MARCHF1: variants seen among roughly 807,000 people sequenced by gnomAD.
MARCHF1 encodes the protein membrane associated ring-CH-type finger 1.
Under a neutral mutation model 54.2 loss-of-function variants are expected in MARCHF1, and 40 were observed. The observed-to-expected ratio is 0.74, with a 90% CI of 0.57 to 0.96. The LOEUF is 0.96. MARCHF1 is among the 40% of genes least tolerant of loss of function. MARCHF1 has a pLI of 0.00. For synonymous variants in MARCHF1, 236 were observed against 236.3 expected (o/e 1.00, Z 0.01); for missense variants, 586 against 656.5 (o/e 0.89, Z 1.17).
chr4:163,865,004 A>G (rs1158795217), intron 3 of MARCHF1, among the ~76,000 whole-genome samples: 3 of 151,930 alleles, frequency 2.0e-5, no homozygotes, highest in Non-Finnish European at 4.4e-5. Flanking sequence ...TTCATTTTTC[A>G]AAAGTACTCA....
chr4:163,955,092 A>C (rs1413370438), intron 3 of MARCHF1, among the ~76,000 whole-genome samples: 1 of 151,754 alleles, frequency 6.6e-6, no homozygotes, highest in South Asian at 2.1e-4. Context: ...TGGACAATGG[A>C]GGTGGAATGT....
Position 164,150,713 on chromosome 4 carries a change from C to T in MARCHF1, c.-322-39051G>A, listed in dbSNP as rs561330121. ...GACATGAAAATAGAATAGTTCATTTCTTGAAATACATTTATTTATTAAAAC... is the reference window on the plus strand; with the variant it reads ...GACATGAAAATAGAATAGTTCATTTTTTGAAATACATTTATTTATTAAAAC... On this transcript the variant is annotated intron_variant, in intron 1 of 9. Transcript: ENST00000514618. 1.2e-4 allele frequency among the ~76,000 whole-genome samples: 19 copies of T among 152,248 alleles called. No individual in the cohort carries two copies. The South Asian group carries it at 3.9e-3, about 32-fold the overall frequency.
At chr4:164,077,121 T>C (rs1364688663) in intron 2 of MARCHF1, among the ~76,000 whole-genome samples, 3 of 152,118 alleles carry the variant, frequency 2.0e-5, no homozygotes, top group Non-Finnish European at 4.4e-5. Context: ...GCTACTTGAC[T>C]TCAAACTATA....
chr4:164,173,289 A>G (rs1730577453), intron 1 of MARCHF1, among the ~76,000 whole-genome samples: 1 of 148,654 alleles, frequency 6.7e-6, no homozygotes, highest in African/African-American at 2.5e-5. Flanking sequence ...ACAATTGGTT[A>G]TAATTTGGGC....
chr4:163,782,098 G>A (rs535896925), intron 4 of MARCHF1, among the ~76,000 whole-genome samples: 2 of 141,738 alleles, frequency 1.4e-5, no homozygotes, highest in African/African-American at 2.6e-5. Flanking sequence ...TTTCTTGAGG[G>A]ATATATTTAA....
Position 164,338,596 on chromosome 4 carries a change from G to A in MARCHF1, c.-323+45274C>T, listed in dbSNP as rs560106990. Among the ~76,000 whole-genome samples, 3 of 152,250 alleles carry A rather than the reference G, an allele frequency of 2.0e-5. No individual in the cohort carries two copies. In the South Asian group the frequency reaches 6.2e-4, roughly 32 times the overall value. ...TCACACAAATGGAAACAAAAAAAGA[G>A]CAGGGGTAATTATATAAGACAAAAC... On this transcript the variant is annotated intron_variant, in intron 1 of 9. Transcript: ENST00000514618.
chr4:163,791,232 G>A (rs1439543413), intron 4 of MARCHF1, among the ~76,000 whole-genome samples: 1 of 152,036 alleles, frequency 6.6e-6, no homozygotes, highest in Non-Finnish European at 1.5e-5. Flanking sequence ...TAGGTATGTG[G>A]ACATATAGCC....
intron 4 of MARCHF1, among the ~76,000 whole-genome samples, chr4:163,702,339 A>G (rs1744834506): frequency 6.6e-6 from 1 of 152,208 alleles, no homozygotes; most frequent in African/African-American, 2.4e-5. Flanking sequence ...TAGAGACTAG[A>G]AAACAAAATC....
At chr4:163,538,308 T>TA (rs1297258854) in intron 9 of MARCHF1, among the ~76,000 whole-genome samples, 2 of 135,522 alleles carry the variant, frequency 1.5e-5, no homozygotes, top group African/African-American at 5.3e-5. Context: ...AAGGCAAAAA[T>TA]AAAAAAGTAA....
intron 4 of MARCHF1, among the ~76,000 whole-genome samples, chr4:163,842,462 G>T (rs900332594): frequency 6.6e-6 from 1 of 152,008 alleles, no homozygotes; most frequent in Non-Finnish European, 1.5e-5. Context: ...ATTTTTTAAT[G>T]AAGTCAATAT....
intron 1 of MARCHF1, among the ~76,000 whole-genome samples, chr4:164,209,062 A>G (rs1348852383): frequency 1.3e-5 from 2 of 151,008 alleles, no homozygotes; most frequent in East Asian, 1.9e-4. Flanking sequence ...GTGTGTGTAT[A>G]AAATAAAAGT....
At chr4:163,703,883 T>C (rs572751369) in intron 4 of MARCHF1, among the ~76,000 whole-genome samples, 25 of 149,020 alleles carry the variant, frequency 1.7e-4, no homozygotes, top group African/African-American at 5.6e-4. Flanking sequence ...GGATTCTTTT[T>C]ACTAGCAAGG....
chr4:163,533,399 C>T (rs945341378), intron 9 of MARCHF1, among the ~76,000 whole-genome samples: 9 of 151,810 alleles, frequency 5.9e-5, no homozygotes, highest in Non-Finnish European at 8.8e-5. Context: ...GGCGGCAACA[C>T]CATTCTGTAT....
chr4:164,232,200 C>T (rs1732431855), intron 1 of MARCHF1, among the ~76,000 whole-genome samples: 1 of 152,032 alleles, frequency 6.6e-6, no homozygotes, highest in South Asian at 2.1e-4. Context: ...CTAATCACTG[C>T]CATCACTTGA....
chr4:164,202,402 T>C (rs1039218688), intron 1 of MARCHF1, among the ~76,000 whole-genome samples: 1 of 152,188 alleles, frequency 6.6e-6, no homozygotes, highest in Non-Finnish European at 1.5e-5. Flanking sequence ...GCGTGAAATA[T>C]GGTTGCAGAG....
chr4:163,530,628 T>C (rs1182157947), intron 9 of MARCHF1: 1 of 151,996 alleles, frequency 6.6e-6, no homozygotes, highest in African/African-American at 2.4e-5. Context: ...TGTTGATGTT[T>C]CATTAATTTG....
In MARCHF1 at chr4:164,168,578, A is replaced by G. The variant is rs568470235; in HGVS notation, c.-322-56916T>C. 5.2e-4 allele frequency among the ~76,000 whole-genome samples: 79 copies of G among 152,160 alleles called. 1 individual carries two copies. The highest frequency in any genetic ancestry group is 9.6e-5 in the African/African-American group (4 of 41,546). ...AAATGTTATGCTATTTGCCACATCA[A>G]TGATGGACCTGCAGAACATTACGCT... On this transcript the variant is annotated intron_variant, in intron 1 of 9. Transcript: ENST00000514618.
chr4:164,315,974 T>C (rs1734985793), intron 1 of MARCHF1, among the ~76,000 whole-genome samples: 1 of 152,172 alleles, frequency 6.6e-6, no homozygotes, highest in African/African-American at 2.4e-5. Flanking sequence ...CTAGCTTAAC[T>C]GTAATACCTT....
At chr4:164,048,948 A>C (rs969729600) in intron 2 of MARCHF1, among the ~76,000 whole-genome samples, 7 of 152,168 alleles carry the variant, frequency 4.6e-5, no homozygotes, top group African/African-American at 1.7e-4. Flanking sequence ...AAAACTTTCT[A>C]AGCTAGATAA....
Sources: allele counts gnomAD v4.1 joint callset (sites outside exome capture counted in the v4.1 genomes callset), GRCh38; gene constraint gnomAD v4.1.1; transcripts MANE v1.5; gene names NCBI Gene and HGNC (gene_info 2026-07-23, HGNC 2026-07-21).